Variants in PRKDC observed in about 807,000 individuals in gnomAD.
PRKDC encodes DNA-dependent protein kinase catalytic subunit.
Under a neutral mutation model 486.9 loss-of-function variants are expected in PRKDC, and 82 were observed. The observed-to-expected ratio is 0.17, with a 90% CI of 0.14 to 0.20. The LOEUF is 0.20. Ranked by LOEUF, PRKDC falls within the 10% of genes least tolerant of loss-of-function variation. The pLI, the probability that PRKDC is intolerant of heterozygous loss-of-function variation, is 1.00. For missense variants in PRKDC, 4,504 were observed against 5,038.2 expected (o/e 0.89, Z 3.21); for synonymous variants, 1,895 against 1,837.0 (o/e 1.03, Z -0.81).
chr8:47,942,123 T>A (rs1278957246), intron 10 of PRKDC, among the ~76,000 whole-genome samples: 1 of 152,266 alleles, frequency 6.6e-6, no homozygotes, highest in Non-Finnish European at 1.5e-5. Flanking sequence ...TAACAAGGCA[T>A]GAAATTCTCT....
chr8:47,959,923 G>T, intron 1 of PRKDC, 50 bp downstream of exon 1: 3 of 1,517,058 alleles, frequency 2.0e-6, no homozygotes, highest in South Asian at 2.4e-5. Flanking sequence ...GCTCCAGAAC[G>T]ACTCGGGAAG....
chr8:47,857,628 C>T (rs1447920627), intron 48 of PRKDC, among the ~76,000 whole-genome samples: 1 of 152,086 alleles, frequency 6.6e-6, no homozygotes, highest in Non-Finnish European at 1.5e-5. Flanking sequence ...TCATAGCTCT[C>T]GAAGGAACCA....
In PRKDC at chr8:47,913,975, G is replaced by A. The variant is rs1420331439; in HGVS notation, c.2707C>T (p.Pro903Ser). Reference protein sequence around the residue: ...SFAVPFREMKPVIFLDVFLPR... With the variant: ...SFAVPFREMKSVIFLDVFLPR... ...AGGAACACATCCAGGAAAATGACAGGTTTCATCTCTCTAAAGGGCACTGCA... is the reference window on the plus strand; with the variant it reads ...AGGAACACATCCAGGAAAATGACAGATTTCATCTCTCTAAAGGGCACTGCA... Residue 903 changes from proline to serine, a missense_variant, in exon 24 of 86, where the codon CCT becomes TCT. Physicochemically the swap from Pro to Ser is moderately conservative, Grantham distance 74. Coordinates refer to ENST00000314191, the MANE Select transcript of PRKDC (RefSeq NM_006904.7). 7.4e-6 allele frequency: 12 copies of A among 1,611,438 alleles called. No individual in the cohort carries two copies. The highest frequency in any genetic ancestry group is 9.3e-6 in the Non-Finnish European group (11 of 1,178,724).
Position 47,934,004 on chromosome 8 carries a change from C to T in PRKDC, c.1584G>A (p.Val528=). 1 of 1,613,294 alleles carries T rather than the reference C, an allele frequency of 6.2e-7. No homozygotes were observed. Among genetic ancestry groups the T allele is most frequent in the Non-Finnish European group, 8.5e-7 (1 of 1,179,776 alleles). Reference sequence around the variant, plus strand: ...AGCTCAGGAGATGTCTGAAGAGATCCACGTAGTCTTTGTATGTGGGCACCT... The same window carrying T: ...AGCTCAGGAGATGTCTGAAGAGATCTACGTAGTCTTTGTATGTGGGCACCT... ...KWKVPTYKDY[V]DLFRHLLSSD... is the part of the protein sequence containing the mutation. The change falls in exon 15 of 86, where the codon GTG becomes GTA. Residue 528 remains valine (V), a synonymous_variant. Coordinates refer to ENST00000314191, the MANE Select transcript of PRKDC (RefSeq NM_006904.7).
chr8:47,800,927 T>C lies in PRKDC; in HGVS notation c.9982A>G (p.Ile3328Val), dbSNP rs752730508. The change falls in exon 71 of 86, where the codon ATT becomes GTT. Residue 3328 changes from isoleucine (I) to valine (V), a missense_variant. By Grantham distance (29) the Ile-to-Val change is conservative (BLOSUM62 3). Transcript: ENST00000314191. ...ATCCTGTAAGTTGTACCCAAGAGAA[T>C]GTTCTGGTCACGGAAAGCCAGAATA... is the stretch of plus-strand genomic sequence containing the variant. ...KNILAFRDQN[I>V]LLGTTYRIIA... 35 of 1,613,918 alleles carry C rather than the reference T, an allele frequency of 2.2e-5. No individual in the cohort carries two copies. In the East Asian group the frequency reaches 7.6e-4, roughly 35 times the overall value.
At chr8:47,854,929 G>A (rs752327931) in intron 50 of PRKDC, among the ~76,000 whole-genome samples, 35 of 152,014 alleles carry the variant, frequency 2.3e-4, no homozygotes, top group Non-Finnish European at 4.9e-4. Context: ...AAGGAATTAC[G>A]CACAAATCCT....
intron 40 of PRKDC, among the ~76,000 whole-genome samples, chr8:47,867,983 TAA>T (rs2088856380): frequency 6.6e-6 from 1 of 152,234 alleles, no homozygotes; most frequent in African/African-American, 2.4e-5. Flanking sequence ...ATATGGTATC[TAA>T]GACTAACTGA....
chr8:47,903,282 A>C, intron 26 of PRKDC, among the ~76,000 whole-genome samples: 1 of 152,228 alleles, frequency 6.6e-6, no homozygotes, highest in Non-Finnish European at 1.5e-5. Context: ...GACCCCATAA[A>C]GGCCCTGCCG....
chr8:47,943,696 GCTTA>G (rs1377044069), intron 9 of PRKDC, among the ~76,000 whole-genome samples, 153 bp downstream of exon 9: 1 of 152,202 alleles, frequency 6.6e-6, no homozygotes. Context: ...TTCAACCAGA[GCTTA>G]CTAAGTCACC....
At chr8:47,901,595 GCT>G (rs1406125319) in intron 27 of PRKDC, among the ~76,000 whole-genome samples, 2 of 152,212 alleles carry the variant, frequency 1.3e-5, no homozygotes, top group Non-Finnish European at 1.5e-5. Flanking sequence ...GGCAGCACAC[GCT>G]CTGTTTCCAC....
At chr8:47,827,660 T>C (rs1002620198) in intron 62 of PRKDC, among the ~76,000 whole-genome samples, 3 of 152,220 alleles carry the variant, frequency 2.0e-5, no homozygotes, top group African/African-American at 7.2e-5. Context: ...TCAAGTACTA[T>C]GACACTTAAC....
At chr8:47,873,319 C>T (rs2089003682) in intron 40 of PRKDC, among the ~76,000 whole-genome samples, 1 of 151,634 alleles carries the variant, frequency 6.6e-6, no homozygotes. Flanking sequence ...GGTGGATCAC[C>T]TGAGGTCTGG....
Position 47,778,539 on chromosome 8 carries a change from G to C in PRKDC, c.11773C>G (p.Leu3925Val). 6.2e-7 allele frequency: 1 copy of C among 1,613,880 alleles called. No homozygotes were observed. The highest frequency in any genetic ancestry group is 1.1e-5 in the South Asian group (1 of 91,038). ...TCCATGGCCACCATAAAGTTGTTCA[G>C]ATGTCTGTCTCCAATCCCGAGGATC... is the stretch of plus-strand genomic sequence containing the variant. The part of the protein sequence containing the change: ...HWILGIGDRH[L>V]NNFMVAMETG... The change falls in exon 83 of 86, where the codon CTG (leucine) becomes GTG (valine). Residue 3925 changes from leucine (L) to valine (V), a missense_variant. Physicochemically the swap from Leu to Val is conservative, Grantham distance 32. This residue lies in a region of PRKDC where 706 missense variants were observed against 945.0 expected (regional missense o/e 0.75). Transcript: ENST00000314191.
chr8:47,924,140 TC>T (rs1473420600), intron 21 of PRKDC, among the ~76,000 whole-genome samples: 1 of 152,208 alleles, frequency 6.6e-6, no homozygotes, highest in Non-Finnish European at 1.5e-5. Flanking sequence ...CTGTGACATT[TC>T]CCCCATCATG....
Position 47,858,620 on chromosome 8 carries a change from C to A in PRKDC, c.6361G>T (p.Asp2121Tyr). The A allele has an allele frequency of 6.5e-7, 1 of 1,533,612 alleles. No homozygotes were observed. Among genetic ancestry groups the A allele is most frequent in the South Asian group, 1.3e-5 (1 of 79,868 alleles). Residue 2121 changes from aspartate to tyrosine, a missense_variant, in exon 48 of 86, where the codon GAT (aspartate) becomes TAT (tyrosine). Around this residue, in one of 6 missense-constraint regions of PRKDC, gnomAD observed 1,592 missense variants for 1,724.6 expected, o/e 0.92. Transcript: ENST00000314191. ...PQGEEDSVPRDLPSWMKFLHG... is the reference protein window; with the variant it reads ...PQGEEDSVPRYLPSWMKFLHG... The stretch of plus-strand genomic sequence containing the variant: ...AGGAATTTCATCCAAGAAGGAAGAT[C>A]TCTTGGCACTGAATCCTAAAATAAA...
Position 47,821,552 on chromosome 8 carries a change from A to T in PRKDC, c.9111+52T>A, listed in dbSNP as rs138578405. On this transcript the variant is annotated intron_variant, in intron 65 of 85. Coordinates refer to ENST00000314191, the MANE Select transcript of PRKDC (RefSeq NM_006904.7). ...TGTTTTAAACAATTTTGTTAAGTAG[A>T]AAACACCTATCTAAAATAATTATTT... 54 of 1,515,298 alleles carry T rather than the reference A, an allele frequency of 3.6e-5. 3 individuals are homozygous for T. In the African/African-American group the frequency reaches 6.6e-4, roughly 19 times the overall value. The allele number at this position is 1,515,298 out of a possible 1,614,324, so 93.9% of individuals were successfully genotyped here. A position where few individuals can be genotyped will look rare whatever the true frequency, so the allele number is the denominator to read the frequency against.
intron 68 of PRKDC, among the ~76,000 whole-genome samples, chr8:47,814,723 A>G (rs946046434): frequency 3.3e-5 from 5 of 152,246 alleles, no homozygotes; most frequent in African/African-American, 1.2e-4. Flanking sequence ...CGATAACTCT[A>G]TATTGTTAAG....
At chr8:47,919,629 G>A (rs2090041969) in intron 21 of PRKDC, among the ~76,000 whole-genome samples, 1 of 151,924 alleles carries the variant, frequency 6.6e-6, no homozygotes, top group South Asian at 2.1e-4. Context: ...TCTTAGCTCT[G>A]CTCTCTCTAG....
chr8:47,887,678 T>A lies in PRKDC; in HGVS notation c.4441A>T (p.Thr1481Ser). The A allele has an allele frequency of 6.2e-7, 1 of 1,610,400 alleles. No homozygotes were observed. Among genetic ancestry groups the A allele is most frequent in the Non-Finnish European group, 8.5e-7 (1 of 1,178,426 alleles). The change falls in exon 35 of 86, where the codon ACA becomes TCA. Residue 1481 changes from threonine (T) to serine (S), a missense_variant. Physicochemically the swap from Thr to Ser is moderately conservative, Grantham distance 58. Around this residue, in one of 6 missense-constraint regions of PRKDC, gnomAD observed 1,969 missense variants for 2,068.9 expected, o/e 0.95. Coordinates refer to ENST00000314191, the MANE Select transcript of PRKDC (RefSeq NM_006904.7). ...QSTDLHHSVG[T>S]ELLSLVYKGI... is the part of the protein sequence containing the mutation. ...TTATAAACCAGGGAAAGAAGTTCTGTGCCAACAGAATGATGCAAATCTGTG... is the reference window on the plus strand; with the variant it reads ...TTATAAACCAGGGAAAGAAGTTCTGAGCCAACAGAATGATGCAAATCTGTG...
Sources: allele counts gnomAD v4.1 joint callset (sites outside exome capture counted in the v4.1 genomes callset), GRCh38; gene constraint gnomAD v4.1.1; regional missense constraint gnomAD v4.1.1; transcripts MANE v1.5; gene names NCBI Gene and HGNC (gene_info 2026-07-23, HGNC 2026-07-21).